ERFL: variants seen among roughly 807,000 people sequenced by gnomAD.
The protein encoded by ERFL is ETS repressor factor like.
ERFL carries 8 observed loss-of-function variants against 27.9 expected under a neutral mutation model. That is an observed-to-expected ratio of 0.29 (90% CI 0.17 to 0.52). The LOEUF is 0.52. ERFL is among the 20% of genes least tolerant of loss of function. The pLI is 0.97. For missense variants in ERFL, 294 were observed against 444.4 expected (o/e 0.66, Z 3.04); for synonymous variants, 174 against 202.8 (o/e 0.86, Z 1.21).
intron 1 of ERFL, among the ~76,000 whole-genome samples, chr19:41,925,137 G>A (rs1339908643): frequency 2.0e-5 from 3 of 152,112 alleles, no homozygotes; most frequent in African/African-American, 4.8e-5. Context: ...AGCAAAGAGA[G>A]ATTAAGTGGG....
rs1478484740 is a variant in ERFL at position 41,908,559 on chromosome 19, G to A, written c.734C>T (p.Ser245Phe). 8.1e-7 allele frequency: 1 copy of A among 1,231,866 alleles called. No individual in the cohort carries two copies. Among genetic ancestry groups the A allele is most frequent in the Non-Finnish European group, 1.0e-6 (1 of 988,088 alleles). The allele number at this position is 1,231,866 out of a possible 1,614,324, so 76.3% of individuals were successfully genotyped here. Residue 245 changes from serine to phenylalanine, a missense_variant, in exon 6 of 6, where the codon TCT becomes TTT. Coordinates refer to ENST00000597630, the MANE Select transcript of ERFL (RefSeq NM_001365103.2). The surrounding 1 kb of genome is among the most constrained non-coding windows in gnomAD (Gnocchi z 6.7). ...GGGGTAGAAATGCGGGGGGTAGAGA[G>A]AGGGAGGCAGCTTGGGGAAGGGGCC... ...LTGPFPKLPPSLYPPHFYPNP... is the reference protein window; with the variant it reads ...LTGPFPKLPPFLYPPHFYPNP...
chr19:41,918,125 GC>G (rs2074813218), intron 1 of ERFL, among the ~76,000 whole-genome samples: 1 of 151,832 alleles, frequency 6.6e-6, no homozygotes, highest in African/African-American at 2.4e-5. Flanking sequence ...TTCCCACACT[GC>G]CCACATCAAA....
In ERFL at chr19:41,916,655, C is replaced by T. The variant is rs1186447429; in HGVS notation, c.-13-3723G>A. Among the ~76,000 whole-genome samples the T allele has an allele frequency of 3.3e-5, 5 of 152,048 alleles. No homozygotes were observed. The highest frequency in any genetic ancestry group is 1.2e-4 in the African/African-American group (5 of 41,370). ...ACAACAGCACACAGAAACAGACACA[C>T]AGTCACACAACCAAGCACCACCGAC... On this transcript the variant is annotated intron_variant, in intron 1 of 5. Coordinates refer to ENST00000597630, the MANE Select transcript of ERFL (RefSeq NM_001365103.2). The surrounding 1 kb of genome is among the most constrained non-coding windows in gnomAD (Gnocchi z 5.4).
Position 41,928,360 on chromosome 19 carries a change from G to C in ERFL, c.-334C>G, listed in dbSNP as rs1488150190. 6.6e-6 allele frequency: 1 copy of C among 152,614 alleles called. No homozygotes were observed. Among genetic ancestry groups the C allele is most frequent in the Non-Finnish European group, 1.5e-5 (1 of 68,378 alleles). 9.5% of individuals were successfully genotyped at this position (152,614 alleles called of 1,614,324 possible). A position where few individuals can be genotyped will look rare whatever the true frequency, so the allele number is the denominator to read the frequency against. On this transcript the variant is annotated 5_prime_UTR_variant, in exon 1 of 6. Transcript: ENST00000597630. ...GAGAGCAGAGACGGGGAGAGCTGAG[G>C]ACGGAGCTCCGGGCTGGAGCTCAGC...
rs1345461228 is a variant in ERFL at position 41,917,270 on chromosome 19, C to CTCTCTGTCTCTCTCTG, written c.-13-4354_-13-4339dup. Among the ~76,000 whole-genome samples the CTCTCTGTCTCTCTCTG allele has an allele frequency of 1.3e-5, 2 of 152,080 alleles. No individual in the cohort carries two copies. The highest frequency in any genetic ancestry group is 2.9e-5 in the Non-Finnish European group (2 of 68,000). Reference sequence around the variant, plus strand: ...CCCCCATCTCTCTCTCTGGGTGCATCTCTCTGTCTCTCTCTGTCTCTGTCC... The same window carrying CTCTCTGTCTCTCTCTG: ...CCCCCATCTCTCTCTCTGGGTGCATCTCTCTGTCTCTCTCTGTCTCTGTCTCTCTCTGTCTCTGTCC... On this transcript the variant is annotated intron_variant, in intron 1 of 5. Transcript: ENST00000597630. The surrounding 1 kb of genome is among the most constrained non-coding windows in gnomAD (Gnocchi z 4.8).
rs2145878019 is a variant in ERFL, at chr19:41,908,063, A to C, written c.*165T>G. On this transcript the variant is annotated 3_prime_UTR_variant, in exon 6 of 6. Transcript: ENST00000597630. The surrounding 1 kb of genome is among the most constrained non-coding windows in gnomAD (Gnocchi z 6.7). ...TCCCTCTGTCCTCTGTGGAGGGGGAAGTGAGACCCCCCCCACTCTGGGGCT... is the reference window on the plus strand; with the variant it reads ...TCCCTCTGTCCTCTGTGGAGGGGGACGTGAGACCCCCCCCACTCTGGGGCT... The C allele has an allele frequency of 2.6e-5, 12 of 457,096 alleles. No individual in the cohort carries two copies. The highest frequency in any genetic ancestry group is 4.1e-5 in the African/African-American group (2 of 49,258). The allele number at this position is 457,096 out of a possible 1,614,324, so 28.3% of individuals were successfully genotyped here. A position where few individuals can be genotyped will look rare whatever the true frequency, so the allele number is the denominator to read the frequency against.
chr19:41,917,924 CTGTG>C lies in ERFL; in HGVS notation c.-13-4996_-13-4993del, dbSNP rs139810296. On this transcript the variant is annotated intron_variant, in intron 1 of 5. Coordinates refer to ENST00000597630, the MANE Select transcript of ERFL (RefSeq NM_001365103.2). The surrounding 1 kb of genome is among the most constrained non-coding windows in gnomAD (Gnocchi z 4.8). ...GAAGCCAGCTCCCCGCGGTCACACA[CTGTG>C]TGTGTGTGTGCTCACACACCTGTCC... Among the ~76,000 whole-genome samples the C allele has an allele frequency of 6.6e-6, 1 of 151,800 alleles. No individual in the cohort carries two copies. The highest frequency in any genetic ancestry group is 1.5e-5 in the Non-Finnish European group (1 of 67,916).
In ERFL at chr19:41,910,931, C is replaced by T. The variant is rs1297609662; in HGVS notation, c.68-834G>A. 2.0e-5 allele frequency among the ~76,000 whole-genome samples: 3 copies of T among 152,204 alleles called. No individual in the cohort carries two copies. Among genetic ancestry groups the T allele is most frequent in the African/African-American group, 7.2e-5 (3 of 41,452 alleles). On this transcript the variant is annotated intron_variant, in intron 2 of 5. Coordinates refer to ENST00000597630, the MANE Select transcript of ERFL (RefSeq NM_001365103.2). This position sits in a 1 kb window ranked among gnomAD's most constrained non-coding sequence, Gnocchi z 4.4. ...ACCCCACAGTGCACACCCATCACAA[C>T]ACAGAATTACACATCTCAAGACTGG...
intron 1 of ERFL, among the ~76,000 whole-genome samples, chr19:41,922,238 G>A (rs782669913): frequency 1.3e-5 from 2 of 152,118 alleles, no homozygotes; most frequent in African/African-American, 2.4e-5. Context: ...CACCAAGAGT[G>A]TACTGAGGAA....
chr19:41,923,131 A>G (rs558771265), intron 1 of ERFL: 2 of 456,468 alleles, frequency 4.4e-6, no homozygotes, highest in East Asian at 6.9e-5. Context: ...AGGAACTGCC[A>G]TGATGGATGC....
chr19:41,908,243 C>CCCTTTGCCCG lies in ERFL; in HGVS notation c.1040_1049dup (p.Thr352GlnfsTer84). On this transcript the variant is annotated frameshift_variant, in exon 6 of 6. Transcript: ENST00000597630. LOFTEE classifies it high-confidence loss of function. This position sits in a 1 kb window ranked among gnomAD's most constrained non-coding sequence, Gnocchi z 6.7. ...CCCTGCCGGCTCAGCTGCCGGTCCCCCCTTTGCCCGCCTTTGCCTTGGGGG... is the reference window on the plus strand; with the variant it reads ...CCCTGCCGGCTCAGCTGCCGGTCCCCCCTTTGCCCGCCTTTGCCCGCCTTTGCCTTGGGGG... 2 of 1,231,744 alleles carry CCCTTTGCCCG rather than the reference C, an allele frequency of 1.6e-6. No homozygotes were observed. Among genetic ancestry groups the CCCTTTGCCCG allele is most frequent in the Non-Finnish European group, 2.0e-6 (2 of 987,996 alleles). The allele number at this position is 1,231,744 out of a possible 1,614,324, so 76.3% of individuals were successfully genotyped here.
chr19:41,925,991 T>C (rs189289616), intron 1 of ERFL, among the ~76,000 whole-genome samples: 6 of 152,054 alleles, frequency 3.9e-5, no homozygotes, highest in Admixed American at 1.3e-4. Flanking sequence ...TGTGTGAGTG[T>C]GTGCATGTGT....
At chr19:41,911,194 C>T (rs1213919791) in intron 2 of ERFL, among the ~76,000 whole-genome samples, 6 of 152,160 alleles carry the variant, frequency 3.9e-5, no homozygotes, top group African/African-American at 7.2e-5. Context: ...GGGAGTACTC[C>T]ACTGTCCACA....
At chr19:41,927,764 C>T (rs1164920760) in intron 1 of ERFL, among the ~76,000 whole-genome samples, 2 of 152,174 alleles carry the variant, frequency 1.3e-5, no homozygotes, top group African/African-American at 4.8e-5. Flanking sequence ...GACCCCATCT[C>T]CGTGGCTCTC....
At chr19:41,922,230 C>A (rs1015792495) in intron 1 of ERFL, among the ~76,000 whole-genome samples, 2 of 151,886 alleles carry the variant, frequency 1.3e-5, no homozygotes, top group Non-Finnish European at 2.9e-5. Flanking sequence ...GGGCTTGGCA[C>A]CAAGAGTGTA....
chr19:41,927,408 A>T (rs1051587357), intron 1 of ERFL, among the ~76,000 whole-genome samples: 3 of 152,044 alleles, frequency 2.0e-5, no homozygotes, highest in Admixed American at 1.3e-4. Flanking sequence ...ATCCAGATCC[A>T]AATTCGCAGA....
chr19:41,925,814 G>A (rs1203820226), intron 1 of ERFL, among the ~76,000 whole-genome samples: 2 of 152,166 alleles, frequency 1.3e-5, no homozygotes, highest in African/African-American at 4.8e-5. Context: ...TGTGTGGCCA[G>A]CTCTTCTGGA....
At position 41,909,848 on chromosome 19, in the gene ERFL, C is replaced by T; in HGVS notation, c.302+15G>A. 1.3e-6 allele frequency: 2 copies of T among 1,596,774 alleles called. No individual in the cohort carries two copies. The highest frequency in any genetic ancestry group is 1.7e-6 in the Non-Finnish European group (2 of 1,170,794). ...AAAAGGACAAGGTGGGATCCAGCCCCAAGCCCTTCCTCACCGCAGGGCCCG... is the reference window on the plus strand; with the variant it reads ...AAAAGGACAAGGTGGGATCCAGCCCTAAGCCCTTCCTCACCGCAGGGCCCG... On this transcript the variant is annotated intron_variant, in intron 3 of 5. Transcript: ENST00000597630. This position sits in a 1 kb window ranked among gnomAD's most constrained non-coding sequence, Gnocchi z 5.2.
chr19:41,920,755 G>T (rs1555852410), intron 1 of ERFL, among the ~76,000 whole-genome samples: 1 of 152,230 alleles, frequency 6.6e-6, no homozygotes, highest in Non-Finnish European at 1.5e-5. Flanking sequence ...CACTGTGCAG[G>T]ACACACAGAG....
Sources: allele counts gnomAD v4.1 joint callset (sites outside exome capture counted in the v4.1 genomes callset), GRCh38; gene constraint gnomAD v4.1.1; non-coding constraint Gnocchi (gnomAD v3.1); transcripts MANE v1.5; gene names NCBI Gene and HGNC (gene_info 2026-07-23, HGNC 2026-07-21).